Variants in IGF2BP3 observed in about 807,000 individuals in gnomAD.
The protein encoded by IGF2BP3 is insulin like growth factor 2 mRNA binding protein 3.
IGF2BP3 carries 9 observed loss-of-function variants against 73.8 expected under a neutral mutation model. The ratio of observed to expected loss-of-function variants is 0.12; its 90% CI spans 0.07 to 0.21. IGF2BP3 has a LOEUF of 0.21. IGF2BP3 is among the 10% of genes least tolerant of loss of function. IGF2BP3 has a pLI of 1.00. For missense variants in IGF2BP3, 542 were observed against 714.0 expected (o/e 0.76, Z 2.75); for synonymous variants, 258 against 256.7 (o/e 1.01, Z -0.05).
intron 2 of IGF2BP3, among the ~76,000 whole-genome samples, chr7:23,441,788 T>G (rs1787942482): frequency 6.6e-6 from 1 of 152,094 alleles, no homozygotes; most frequent in African/African-American, 2.4e-5. Context: ...CTTGTATCAT[T>G]CACATAAATC....
At chr7:23,322,760 C>T (rs993960464) in intron 10 of IGF2BP3, among the ~76,000 whole-genome samples, 11 of 152,134 alleles carry the variant, frequency 7.2e-5, no homozygotes, top group East Asian at 3.9e-4. Flanking sequence ...GAGTGGGGGC[C>T]GATATTCAAC....
intron 2 of IGF2BP3, chr7:23,467,688 G>C (rs1380461730): frequency 6.6e-6 from 1 of 152,168 alleles, no homozygotes; most frequent in South Asian, 2.1e-4. Flanking sequence ...ATAAGAAAAA[G>C]AAAAAGGGAA....
At chr7:23,395,664 G>T (rs374488986) in intron 3 of IGF2BP3, among the ~76,000 whole-genome samples, 1 of 151,454 alleles carries the variant, frequency 6.6e-6, no homozygotes, top group South Asian at 2.1e-4. Flanking sequence ...AGTGTTTCAC[G>T]CATGTAATCC....
At chr7:23,320,939 C>T (rs1488392120) in intron 10 of IGF2BP3, among the ~76,000 whole-genome samples, 1 of 109,898 alleles carries the variant, frequency 9.1e-6, no homozygotes, top group Non-Finnish European at 1.7e-5. Flanking sequence ...GAGAGTGAAA[C>T]TCTGTCTCAA....
At chr7:23,464,128 T>A (rs561009586) in intron 2 of IGF2BP3, among the ~76,000 whole-genome samples, 24 of 152,296 alleles carry the variant, frequency 1.6e-4, no homozygotes, top group Non-Finnish European at 2.9e-4. Context: ...GGAGGCAGCA[T>A]TGAAGGATCA....
chr7:23,394,586 T>C (rs911034733), intron 3 of IGF2BP3: 2 of 152,074 alleles, frequency 1.3e-5, no homozygotes, highest in Non-Finnish European at 2.9e-5. Flanking sequence ...ATTCTAACAA[T>C]ATATAGTAGA....
chr7:23,321,306 G>T (rs936281078), intron 10 of IGF2BP3, among the ~76,000 whole-genome samples: 1 of 152,246 alleles, frequency 6.6e-6, no homozygotes, highest in Non-Finnish European at 1.5e-5. Flanking sequence ...AAAGAAAGGG[G>T]TGACAGACGG....
rs1788687408 is a variant in IGF2BP3, at chr7:23,470,319, A to T, written c.-209T>A. ...CTTGTCTAGATGTGTTTTAAAAGAG[A>T]AAGAAAAGAAAAAGCCTAGCTACAA... On this transcript the variant is annotated 5_prime_UTR_variant, in exon 1 of 15. Coordinates refer to ENST00000258729, the MANE Select transcript of IGF2BP3 (RefSeq NM_006547.3). 3 of 387,978 alleles carry T rather than the reference A, an allele frequency of 7.7e-6. No homozygotes were observed. The South Asian group carries it at 1.9e-4, about 25-fold the overall frequency. 24.0% of individuals were successfully genotyped at this position (387,978 alleles called of 1,614,324 possible).
rs1156868701 is a variant in IGF2BP3, at chr7:23,378,569, G to GTTTT, written c.286-16832_286-16829dup. Among the ~76,000 whole-genome samples, 256 of 65,864 alleles carry GTTTT rather than the reference G, an allele frequency of 3.9e-3. 9 individuals are homozygous for GTTTT. Among genetic ancestry groups the GTTTT allele is most frequent in the African/African-American group, 9.4e-3 (130 of 13,844 alleles). The allele number at this position is 65,864 out of a possible 152,430, so 43.2% of individuals were successfully genotyped here. A position where few individuals can be genotyped will look rare whatever the true frequency, so the allele number is the denominator to read the frequency against. ...CACCATGCCAGGCTAATTTTTGCTT[G>GTTTT]TTTTTTTTTTTTTTTTTTTTTTTGA... On this transcript the variant is annotated intron_variant, in intron 3 of 14. Coordinates refer to ENST00000258729, the MANE Select transcript of IGF2BP3 (RefSeq NM_006547.3).
chr7:23,358,921 C>T (rs1785159273), intron 5 of IGF2BP3, among the ~76,000 whole-genome samples: 1 of 152,096 alleles, frequency 6.6e-6, no homozygotes, highest in African/African-American at 2.4e-5. Context: ...TTAGGTAGTC[C>T]CTCTCCAAAT....
At chr7:23,386,919 T>C (rs1163283890) in intron 3 of IGF2BP3, among the ~76,000 whole-genome samples, 1 of 151,812 alleles carries the variant, frequency 6.6e-6, no homozygotes, top group Non-Finnish European at 1.5e-5. Flanking sequence ...ATACAAAAAT[T>C]AAACAGGCAT....
intron 3 of IGF2BP3, among the ~76,000 whole-genome samples, chr7:23,369,648 T>A (rs1052191877): frequency 3.9e-5 from 6 of 152,032 alleles, no homozygotes; most frequent in South Asian, 4.2e-4. Flanking sequence ...ACTATCACCA[T>A]CATGACAAGT....
At chr7:23,441,879 C>T (rs1337234268) in intron 2 of IGF2BP3, among the ~76,000 whole-genome samples, 1 of 152,150 alleles carries the variant, frequency 6.6e-6, no homozygotes, top group African/African-American at 2.4e-5. Context: ...AATCCCAGCA[C>T]TTTGGGAGGC....
intron 10 of IGF2BP3, among the ~76,000 whole-genome samples, chr7:23,333,676 T>A (rs1222177805): frequency 1.3e-5 from 2 of 152,174 alleles, no homozygotes; most frequent in Non-Finnish European, 2.9e-5. Context: ...AAATGTCCTA[T>A]CCTGGAATGA....
chr7:23,322,738 C>T (rs889440912), intron 10 of IGF2BP3, among the ~76,000 whole-genome samples: 6 of 152,304 alleles, frequency 3.9e-5, no homozygotes, highest in Admixed American at 3.3e-4. Flanking sequence ...AGAAACTCTA[C>T]AAGCCAGAAG....
chr7:23,355,114 A>G (rs1785059235), intron 5 of IGF2BP3, among the ~76,000 whole-genome samples: 1 of 152,230 alleles, frequency 6.6e-6, no homozygotes, highest in Non-Finnish European at 1.5e-5. Context: ...AAGACATGAG[A>G]TGAACGACTG....
chr7:23,358,782 G>T (rs765190203), intron 5 of IGF2BP3, among the ~76,000 whole-genome samples: 1 of 152,132 alleles, frequency 6.6e-6, no homozygotes, highest in Non-Finnish European at 1.5e-5. Flanking sequence ...ACACAAAACT[G>T]AGTTTTCCAC....
At chr7:23,432,052 G>C (rs1787696360) in intron 2 of IGF2BP3, among the ~76,000 whole-genome samples, 1 of 152,104 alleles carries the variant, frequency 6.6e-6, no homozygotes, top group South Asian at 2.1e-4. Flanking sequence ...ATCTAAACAT[G>C]GTTTTTTCCA....
intron 2 of IGF2BP3, among the ~76,000 whole-genome samples, chr7:23,463,370 G>T (rs910671303): frequency 6.6e-6 from 1 of 152,126 alleles, no homozygotes; most frequent in African/African-American, 2.4e-5. Flanking sequence ...GCGTGGCAAA[G>T]ATCATTTCCC....
Sources: allele counts gnomAD v4.1 joint callset (sites outside exome capture counted in the v4.1 genomes callset), GRCh38; gene constraint gnomAD v4.1.1; transcripts MANE v1.5; gene names NCBI Gene and HGNC (gene_info 2026-07-23, HGNC 2026-07-21).